TNIK: variants seen among roughly 807,000 people sequenced by gnomAD.
TNIK encodes TRAF2 and NCK-interacting protein kinase.
A neutral mutation model predicts 191.3 loss-of-function variants in TNIK; 49 were observed. That is an observed-to-expected ratio of 0.26 (90% CI 0.20 to 0.32). The LOEUF is 0.32. TNIK is among the 10% of genes least tolerant of loss of function. TNIK has a pLI of 1.00. For synonymous variants in TNIK, 594 were observed against 600.9 expected (o/e 0.99, Z 0.17); for missense variants, 1,155 against 1,702.3 (o/e 0.68, Z 5.66).
chr3:171,394,625 C>T (rs190624258), intron 1 of TNIK, among the ~76,000 whole-genome samples: 14 of 152,290 alleles, frequency 9.2e-5, no homozygotes, highest in East Asian at 3.9e-4. Flanking sequence ...GACATCTCAT[C>T]CTCAGTTCAT....
At chr3:171,219,213 C>T (rs1741966300) in intron 3 of TNIK, among the ~76,000 whole-genome samples, 1 of 122,168 alleles carries the variant, frequency 8.2e-6, no homozygotes, top group Non-Finnish European at 1.6e-5. Flanking sequence ...AAACCCATTA[C>T]TAAATTATAT....
intron 2 of TNIK, among the ~76,000 whole-genome samples, chr3:171,302,350 A>C (rs1752977466): frequency 6.6e-6 from 1 of 152,168 alleles, no homozygotes; most frequent in Non-Finnish European, 1.5e-5. Flanking sequence ...TGTTTAGTGT[A>C]TCTATAGACT....
intron 1 of TNIK, among the ~76,000 whole-genome samples, chr3:171,449,057 C>T (rs1252820979): frequency 2.0e-5 from 3 of 152,010 alleles, no homozygotes; most frequent in Admixed American, 2.0e-4. Context: ...CCAGCTTCAC[C>T]CATGTCCCTG....
chr3:171,244,038 GT>G (rs199607868), intron 2 of TNIK, among the ~76,000 whole-genome samples: 2 of 138,292 alleles, frequency 1.4e-5, no homozygotes, highest in Non-Finnish European at 3.2e-5. Context: ...CTGCAATTTT[GT>G]TTTTTTTAGA....
intron 2 of TNIK, among the ~76,000 whole-genome samples, chr3:171,340,460 C>T (rs904278124): frequency 5.9e-5 from 9 of 152,140 alleles, no homozygotes; most frequent in African/African-American, 2.2e-4. Context: ...AGGATGAGTG[C>T]AGTTTGAATT....
At chr3:171,383,487 G>T (rs1250482562) in intron 1 of TNIK, among the ~76,000 whole-genome samples, 2 of 152,120 alleles carry the variant, frequency 1.3e-5, no homozygotes, top group Non-Finnish European at 1.5e-5. Context: ...CTGGAATGCT[G>T]GTTATTCACA....
At chr3:171,217,165 T>G (rs1741550451) in intron 3 of TNIK, among the ~76,000 whole-genome samples, 1 of 152,070 alleles carries the variant, frequency 6.6e-6, no homozygotes, top group South Asian at 2.1e-4. Flanking sequence ...CCATCAATGG[T>G]GGACTGGGTA....
rs768815826 is a variant in TNIK, at chr3:171,108,167, A to G, written c.2285-5T>C. 12 of 1,536,540 alleles carry G rather than the reference A, an allele frequency of 7.8e-6. No individual in the cohort carries two copies. Among genetic ancestry groups the G allele is most frequent in the Non-Finnish European group, 1.0e-5 (12 of 1,143,292 alleles). On this transcript the variant is annotated splice_region_variant and splice_polypyrimidine_tract_variant and intron_variant, in intron 19 of 32. Coordinates refer to ENST00000436636, the MANE Select transcript of TNIK (RefSeq NM_015028.4). ...ATCCTTCTGACTTACTGTTGGCTAGAGGAAAAAAACAGAGGACCAAGAAAG... is the reference window on the plus strand; with the variant it reads ...ATCCTTCTGACTTACTGTTGGCTAGGGGAAAAAAACAGAGGACCAAGAAAG...
chr3:171,435,376 A>G (rs1038832380), intron 1 of TNIK, among the ~76,000 whole-genome samples: 1 of 152,214 alleles, frequency 6.6e-6, no homozygotes, highest in Admixed American at 6.5e-5. Flanking sequence ...GAGAATGTGG[A>G]AAGGTAAACA....
chr3:171,199,094 A>AG (rs1452040524), intron 4 of TNIK, among the ~76,000 whole-genome samples: 2 of 152,148 alleles, frequency 1.3e-5, no homozygotes, highest in African/African-American at 4.8e-5. Context: ...GCCAGGCACT[A>AG]CTGTCAGTGA....
intron 2 of TNIK, among the ~76,000 whole-genome samples, chr3:171,362,037 A>G (rs541768617): frequency 4.6e-5 from 7 of 152,264 alleles, no homozygotes; most frequent in Non-Finnish European, 8.8e-5. Flanking sequence ...CTAATCTCAC[A>G]ATAAAGACTC....
At chr3:171,190,597 T>C in intron 6 of TNIK, 100 bp downstream of exon 6, 1 of 957,534 alleles carries the variant, frequency 1.0e-6, no homozygotes, top group South Asian at 1.9e-5. Flanking sequence ...GGCAATGCTC[T>C]CCAAATCCAC....
chr3:171,311,073 T>C (rs1257744688), intron 2 of TNIK, among the ~76,000 whole-genome samples: 1 of 152,046 alleles, frequency 6.6e-6, no homozygotes, highest in Non-Finnish European at 1.5e-5. Flanking sequence ...GGTGAGAATG[T>C]AATAAAAAGA....
intron 2 of TNIK, among the ~76,000 whole-genome samples, chr3:171,231,296 T>C (rs896692006): frequency 3.0e-4 from 45 of 151,108 alleles, no homozygotes; most frequent in Non-Finnish European, 2.5e-4. Flanking sequence ...CTGTTTTTTG[T>C]TTTGTTGTTG....
rs1729330270 is a variant in TNIK at position 171,460,298 on chromosome 3, T to A, written c.-235A>T. On this transcript the variant is annotated 5_prime_UTR_variant, in exon 1 of 33. Coordinates refer to ENST00000436636, the MANE Select transcript of TNIK (RefSeq NM_015028.4). The surrounding 1 kb of genome is among the most constrained non-coding windows in gnomAD (Gnocchi z 6.8). ...TCTCCAAGCCCCGAGCAGCGGTGCG[T>A]GTGGGCTGAGCGCCCCGATCGGCTA... 3.4e-6 allele frequency: 2 copies of A among 593,312 alleles called. No individual in the cohort carries two copies. Among genetic ancestry groups the A allele is most frequent in the African/African-American group, 3.8e-5 (2 of 52,350 alleles). 36.8% of individuals were successfully genotyped at this position (593,312 alleles called of 1,614,324 possible). A position where few individuals can be genotyped will look rare whatever the true frequency, so the allele number is the denominator to read the frequency against.
chr3:171,436,065 T>C (rs1252436933), intron 1 of TNIK, among the ~76,000 whole-genome samples: 1 of 150,178 alleles, frequency 6.7e-6, no homozygotes, highest in African/African-American at 2.4e-5. Flanking sequence ...CATCATAGCA[T>C]TGGGAATCAC....
At chr3:171,152,815 A>T (rs1376269103) in intron 12 of TNIK, among the ~76,000 whole-genome samples, 20 of 150,414 alleles carry the variant, frequency 1.3e-4, no homozygotes, top group Non-Finnish European at 2.7e-4. Flanking sequence ...TCTGTTGCCC[A>T]GGCTGGAGTG....
chr3:171,226,985 T>G (rs1743039362), intron 3 of TNIK, among the ~76,000 whole-genome samples: 1 of 152,186 alleles, frequency 6.6e-6, no homozygotes, highest in Non-Finnish European at 1.5e-5. Flanking sequence ...TTCTTTTGTG[T>G]GACTCATTCA....
intron 2 of TNIK, among the ~76,000 whole-genome samples, chr3:171,233,313 C>A (rs1046333762): frequency 4.7e-5 from 7 of 150,312 alleles, no homozygotes; most frequent in Non-Finnish European, 8.9e-5. Flanking sequence ...ATTTTTTTTT[C>A]AAAACACGCA....
Sources: gnomAD v4.1 joint callset for allele counts (sites outside exome capture counted in the v4.1 genomes callset) on GRCh38, gnomAD v4.1.1 for gene constraint, Gnocchi (gnomAD v3.1) non-coding constraint, MANE v1.5 for transcripts, NCBI Gene and HGNC (gene_info 2026-07-23, HGNC 2026-07-21) for gene names.